The following RHBDD1 variants were observed in gnomAD, a reference collection of about 807,000 sequenced individuals.
The protein encoded by RHBDD1 is rhomboid-related protein 4.
Under a neutral mutation model 36.3 loss-of-function variants are expected in RHBDD1, and 38 were observed. The ratio of observed to expected loss-of-function variants is 1.05; its 90% CI spans 0.81 to 1.37. RHBDD1 has a LOEUF of 1.37. RHBDD1 is among the 40% of genes most tolerant of loss of function. The pLI, the probability that RHBDD1 is intolerant of heterozygous loss-of-function variation, is 0.00. For missense variants in RHBDD1, 393 were observed against 377.6 expected, an observed-to-expected ratio of 1.04 and a Z score of -0.34; for synonymous variants, 151 against 136.5, an observed-to-expected ratio of 1.11 and a Z score of -0.74.
chr2:226,961,095 C>A (rs938880609), intron 8 of RHBDD1, among the ~76,000 whole-genome samples: 1 of 152,206 alleles, frequency 6.6e-6, no homozygotes, highest in Non-Finnish European at 1.5e-5. Flanking sequence ...TCCCCTCAGT[C>A]TGTGATGAAG....
At chr2:226,995,157 T>G (rs751271178) in intron 8 of RHBDD1, among the ~76,000 whole-genome samples, 2 of 151,856 alleles carry the variant, frequency 1.3e-5, no homozygotes, top group Non-Finnish European at 2.9e-5. Context: ...ATGCAAATTA[T>G]GGAGCACGAT....
At chr2:226,994,748 A>G (rs533759227) in intron 8 of RHBDD1, among the ~76,000 whole-genome samples, 1 of 152,276 alleles carries the variant, frequency 6.6e-6, no homozygotes, top group African/African-American at 2.4e-5. Context: ...GCCTGGGAGA[A>G]TGCTTTCTTA....
intron 8 of RHBDD1, among the ~76,000 whole-genome samples, chr2:226,920,912 A>C (rs1231260879): frequency 6.6e-6 from 1 of 152,104 alleles, no homozygotes; most frequent in Non-Finnish European, 1.5e-5. Flanking sequence ...TCTGTTTTTC[A>C]AAATAGTTTG....
intron 8 of RHBDD1, among the ~76,000 whole-genome samples, chr2:226,959,380 A>G (rs562761155): frequency 6.6e-6 from 1 of 152,312 alleles, no homozygotes; most frequent in African/African-American, 2.4e-5. Context: ...ATCACACCCA[A>G]CAGATTCATC....
chr2:226,824,758 C>T, the RHBDD1 span, among the ~76,000 whole-genome samples: 2 of 152,202 alleles, frequency 1.3e-5, no homozygotes, highest in African/African-American at 2.4e-5. Flanking sequence ...CAGGGCTGAA[C>T]AGATTGACCT....
intron 6 of RHBDD1, chr2:226,908,589 AC>A: frequency 2.2e-6 from 1 of 453,982 alleles, no homozygotes; most frequent in Admixed American, 3.5e-5. Flanking sequence ...CACTACACAC[AC>A]ACACACACAC....
At chr2:226,913,822 A>G (rs1948699524) in intron 7 of RHBDD1, among the ~76,000 whole-genome samples, 1 of 152,182 alleles carries the variant, frequency 6.6e-6, no homozygotes, top group Non-Finnish European at 1.5e-5. Context: ...ATAAGGCTTT[A>G]TTAGCTATTG....
intron 3 of RHBDD1, among the ~76,000 whole-genome samples, chr2:226,856,683 G>GA (rs978586756): frequency 1.3e-4 from 20 of 151,998 alleles, no homozygotes; most frequent in African/African-American, 4.8e-4. Context: ...AAATAAGAGA[G>GA]AAAAAAATGC....
At position 226,995,719 on chromosome 2, in the gene RHBDD1, C is replaced by CT. The variant is rs1959183153; in HGVS notation, c.*198dup. On this transcript the variant is annotated 3_prime_UTR_variant, in exon 9 of 9. Coordinates refer to ENST00000392062, the MANE Select transcript of RHBDD1 (RefSeq NM_001167608.3). The stretch of plus-strand genomic sequence containing the variant: ...CAGCTTGCGGGGAGTGGGCCTTCTC[C>CT]TGGCCTTGTTCTTGCTCATAAACAG... The CT allele has an allele frequency of 1.7e-6, 1 of 592,734 alleles. No individual in the cohort carries two copies. The highest frequency in any genetic ancestry group is 3.1e-5 in the Admixed American group (1 of 32,492). The allele number at this position is 592,734 out of a possible 1,614,324, so 36.7% of individuals were successfully genotyped here. A position where few individuals can be genotyped will look rare whatever the true frequency, so the allele number is the denominator to read the frequency against.
intron 5 of RHBDD1, among the ~76,000 whole-genome samples, chr2:226,882,222 G>A (rs1206206111): frequency 6.6e-6 from 1 of 152,052 alleles, no homozygotes; most frequent in Non-Finnish European, 1.5e-5. Flanking sequence ...CTGAGGTCAG[G>A]AGTTCGAGAC....
At chr2:226,815,323 C>T in the RHBDD1 span, among the ~76,000 whole-genome samples, 3 of 152,116 alleles carry the variant, frequency 2.0e-5, no homozygotes, top group African/African-American at 7.2e-5. Context: ...GCAATAAGAA[C>T]AGCTAAAATT....
chr2:226,976,903 T>G (rs1954690079), intron 8 of RHBDD1, among the ~76,000 whole-genome samples: 1 of 152,214 alleles, frequency 6.6e-6, no homozygotes, highest in Non-Finnish European at 1.5e-5. Context: ...TTCATTTATT[T>G]TGACCCCCTC....
chr2:226,893,177 C>T (rs531681074), intron 5 of RHBDD1, among the ~76,000 whole-genome samples: 8 of 152,316 alleles, frequency 5.3e-5, no homozygotes, highest in Admixed American at 3.9e-4. Flanking sequence ...CATGGAATTT[C>T]TAGCTATGGC....
intron 5 of RHBDD1, among the ~76,000 whole-genome samples, chr2:226,899,086 C>T (rs1947368587): frequency 6.6e-6 from 1 of 152,216 alleles, no homozygotes; most frequent in Non-Finnish European, 1.5e-5. Context: ...CTTGTCACAG[C>T]TTTCAGTCAC....
At chr2:226,963,396 G>A (rs1293466674) in intron 8 of RHBDD1, among the ~76,000 whole-genome samples, 1 of 152,106 alleles carries the variant, frequency 6.6e-6, no homozygotes, top group East Asian at 1.9e-4. Flanking sequence ...GTTGTGCTTG[G>A]TAGTAAAGTA....
intron 5 of RHBDD1, among the ~76,000 whole-genome samples, chr2:226,886,676 G>A (rs928454332): frequency 5.3e-5 from 8 of 152,124 alleles, no homozygotes; most frequent in Non-Finnish European, 7.3e-5. Flanking sequence ...AAAACTGAAC[G>A]TGAAGAAAAG....
intron 5 of RHBDD1, among the ~76,000 whole-genome samples, chr2:226,897,988 AAACAAC>A (rs150899228): frequency 5.9e-5 from 9 of 151,792 alleles, no homozygotes; most frequent in Non-Finnish European, 1.0e-4. Context: ...TCAAAAAACA[AAACAAC>A]AACAACAACA....
chr2:226,854,601 G>GGAAA (rs1553544046), intron 3 of RHBDD1, among the ~76,000 whole-genome samples: 1 of 83,686 alleles, frequency 1.2e-5, no homozygotes, highest in African/African-American at 4.0e-5. Context: ...ACTCTGTTTC[G>GGAAA]AAAAAAAAAA....
intron 8 of RHBDD1, among the ~76,000 whole-genome samples, chr2:226,952,388 C>T (rs1352793817): frequency 4.0e-5 from 6 of 151,018 alleles, no homozygotes; most frequent in African/African-American, 1.5e-4. Flanking sequence ...ACTTCTGCCT[C>T]CCGGGTTCAA....
Sources: gnomAD v4.1 joint callset for allele counts (sites outside exome capture counted in the v4.1 genomes callset) on GRCh38, gnomAD v4.1.1 for gene constraint, MANE v1.5 for transcripts, NCBI Gene and HGNC (gene_info 2026-07-23, HGNC 2026-07-21) for gene names.